CIMIP7: variants seen among roughly 807,000 people sequenced by gnomAD.
CIMIP7 encodes the protein uncharacterized protein C3orf84.
the CIMIP7 span, among the ~76,000 whole-genome samples, chr3:49,190,926 C>T: frequency 1.3e-5 from 2 of 152,082 alleles, no homozygotes; most frequent in African/African-American, 4.8e-5. Context: ...CTTGGCCTCC[C>T]AAAGTGCTGG....
chr3:49,186,157 C>A, the CIMIP7 span, among the ~76,000 whole-genome samples: 1 of 149,254 alleles, frequency 6.7e-6, no homozygotes, highest in Non-Finnish European at 1.5e-5. Flanking sequence ...TGCACCACCA[C>A]CCTGGCTAAT....
At chr3:49,191,213 A>G in the CIMIP7 span, among the ~76,000 whole-genome samples, 1 of 152,146 alleles carries the variant, frequency 6.6e-6, no homozygotes, top group African/African-American at 2.4e-5. Flanking sequence ...GGCCATCACA[A>G]TGGGCTATTT....
At chr3:49,177,758 G>A in the CIMIP7 span, 1 of 1,609,638 alleles carries the variant, frequency 6.2e-7, no homozygotes, top group Non-Finnish European at 8.5e-7. Context: ...TCAGTGACCG[G>A]CGCCTGGGGC....
chr3:49,188,637 C>G, the CIMIP7 span, among the ~76,000 whole-genome samples: 26 of 152,280 alleles, frequency 1.7e-4, no homozygotes, highest in Middle Eastern at 3.4e-3. Flanking sequence ...CCCTTGTCCC[C>G]CTTTGGGCTC....
chr3:49,177,645 CT>C, the CIMIP7 span: 2 of 1,579,658 alleles, frequency 1.3e-6, no homozygotes, highest in Non-Finnish European at 1.7e-6. Flanking sequence ...GTCAGCTGTC[CT>C]TGTTTAATGC....
At chr3:49,188,792 A>T in the CIMIP7 span, among the ~76,000 whole-genome samples, 1 of 151,600 alleles carries the variant, frequency 6.6e-6, no homozygotes, top group African/African-American at 2.4e-5. Flanking sequence ...TTATTTATTT[A>T]TTTTTTATGT....
At chr3:49,182,123 G>A in the CIMIP7 span, among the ~76,000 whole-genome samples, 3 of 152,192 alleles carry the variant, frequency 2.0e-5, no homozygotes, top group Admixed American at 1.3e-4. Context: ...TAAAGGCAGC[G>A]TGGACCCAAA....
At chr3:49,178,391 G>T in the CIMIP7 span, 1 of 1,210,874 alleles carries the variant, frequency 8.3e-7, no homozygotes, top group Non-Finnish European at 1.2e-6. Flanking sequence ...CCCTCCCTCA[G>T]TGTCATCCCC....
chr3:49,190,029 C>T, the CIMIP7 span: 2 of 1,613,134 alleles, frequency 1.2e-6, no homozygotes, highest in Admixed American at 1.7e-5. Context: ...TTGTACCTGA[C>T]ATCGCTGCAG....
At chr3:49,178,163 G>C in the CIMIP7 span, 14 of 1,089,570 alleles carry the variant, frequency 1.3e-5, no homozygotes, top group South Asian at 2.2e-4. Context: ...TGGCTGTCTT[G>C]GCCTGTACCC....
the CIMIP7 span, chr3:49,191,799 A>G: frequency 1.2e-5 from 18 of 1,543,024 alleles, no homozygotes; most frequent in African/African-American, 1.5e-4. Flanking sequence ...AGAAAAGGCA[A>G]ACTTTCCTCT....
At chr3:49,178,532 C>G in the CIMIP7 span, 2 of 1,613,392 alleles carry the variant, frequency 1.2e-6, no homozygotes, top group Non-Finnish European at 1.7e-6. Flanking sequence ...TGTCGCTGCG[C>G]CGGCTCCTTG....
the CIMIP7 span, chr3:49,189,908 C>T: frequency 3.7e-6 from 3 of 812,158 alleles, no homozygotes; most frequent in Non-Finnish European, 6.7e-6. Context: ...AAAGGTAAAG[C>T]CTGTCCCAGG....
the CIMIP7 span, among the ~76,000 whole-genome samples, chr3:49,186,735 TACAC>T: frequency 1.8e-4 from 27 of 152,146 alleles, no homozygotes; most frequent in African/African-American, 4.8e-4. Flanking sequence ...TAGCTCTTAA[TACAC>T]ACACACGCAC....
chr3:49,182,123 G>T, the CIMIP7 span, among the ~76,000 whole-genome samples: 1 of 152,192 alleles, frequency 6.6e-6, no homozygotes, highest in East Asian at 1.9e-4. Flanking sequence ...TAAAGGCAGC[G>T]TGGACCCAAA....
chr3:49,187,743 C>A, the CIMIP7 span, among the ~76,000 whole-genome samples: 2 of 152,186 alleles, frequency 1.3e-5, no homozygotes, highest in Non-Finnish European at 2.9e-5. Flanking sequence ...AATCTGCCAG[C>A]TGAAACCTGG....
At chr3:49,184,389 T>C in the CIMIP7 span, among the ~76,000 whole-genome samples, 2 of 152,214 alleles carry the variant, frequency 1.3e-5, no homozygotes, top group Admixed American at 1.3e-4. Flanking sequence ...TGGTGTGATT[T>C]TGGCTTGCTG....
At chr3:49,182,698 G>A in the CIMIP7 span, among the ~76,000 whole-genome samples, 2 of 152,224 alleles carry the variant, frequency 1.3e-5, no homozygotes. Context: ...AATGGGACTG[G>A]ATGCCATGGA....
chr3:49,186,657 C>T, the CIMIP7 span, among the ~76,000 whole-genome samples: 1 of 152,224 alleles, frequency 6.6e-6, no homozygotes, highest in South Asian at 2.1e-4. Context: ...CCTGCCTTGG[C>T]CTCCCAAAGT....
Sources: allele counts gnomAD v4.1 joint callset (sites outside exome capture counted in the v4.1 genomes callset), GRCh38; gene constraint gnomAD v4.1.1; transcripts MANE v1.5; gene names NCBI Gene and HGNC (gene_info 2026-07-23, HGNC 2026-07-21).